UBR2: variants seen among roughly 807,000 people sequenced by gnomAD.
UBR2 encodes the protein ubiquitin protein ligase E3 component n-recognin 2.
A neutral mutation model predicts 247.9 loss-of-function variants in UBR2; 92 were observed. The observed-to-expected ratio is 0.37, with a 90% CI of 0.31 to 0.44. The LOEUF is 0.44. UBR2 is among the 20% of genes least tolerant of loss of function. UBR2 has a pLI of 1.00. For missense variants in UBR2, 1,613 were observed against 2,112.6 expected (o/e 0.76, Z 4.64); for synonymous variants, 672 against 693.5 (o/e 0.97, Z 0.49).
rs1799618678 is a variant in UBR2, at chr6:42,689,295, T to G, written c.5025-274T>G. The stretch of plus-strand genomic sequence containing the variant: ...CTTAGTCATCCCCCCAGTACCTTGA[T>G]AATTTCTTATACGTATTAGGTCCTC... On this transcript the variant is annotated intron_variant, in intron 45 of 46. Coordinates refer to ENST00000372901, the MANE Select transcript of UBR2 (RefSeq NM_001363705.2). This position sits in a 1 kb window ranked among gnomAD's most constrained non-coding sequence, Gnocchi z 4.0. Among the ~76,000 whole-genome samples, 1 of 152,212 alleles carries G rather than the reference T, an allele frequency of 6.6e-6. No homozygotes were observed. The highest frequency in any genetic ancestry group is 1.5e-5 in the Non-Finnish European group (1 of 68,036).
intron 26 of UBR2, among the ~76,000 whole-genome samples, chr6:42,657,442 A>G (rs968743530): frequency 1.3e-5 from 2 of 152,218 alleles, no homozygotes; most frequent in African/African-American, 4.8e-5. Flanking sequence ...AATATTAAAG[A>G]TCACACAGGT....
intron 2 of UBR2, among the ~76,000 whole-genome samples, chr6:42,585,058 T>G (rs555165480): frequency 6.6e-6 from 1 of 152,314 alleles, no homozygotes; most frequent in South Asian, 2.1e-4. Flanking sequence ...TCTTTCACTA[T>G]TAAATATGAT....
chr6:42,658,818 A>G lies in UBR2; in HGVS notation c.3236A>G (p.Asp1079Gly). The G allele has an allele frequency of 6.7e-7, 1 of 1,488,166 alleles. No individual in the cohort carries two copies. The highest frequency in any genetic ancestry group is 8.9e-7 in the Non-Finnish European group (1 of 1,125,472). The allele number at this position is 1,488,166 out of a possible 1,614,324, so 92.2% of individuals were successfully genotyped here. A position where few individuals can be genotyped will look rare whatever the true frequency, so the allele number is the denominator to read the frequency against. Reference protein sequence around the residue: ...ELDASTSAVLDHSPVASDMTL... With the variant: ...ELDASTSAVLGHSPVASDMTL... ...GATGCCTCAACCTCTGCTGTTCTTG[A>G]TCATAGGTAAAAAAAAAAAAAAAAA... The change falls in exon 29 of 47, where the codon GAT (aspartate) becomes GGT (glycine). Residue 1079 changes from aspartate to glycine, a missense_variant. Physicochemically the swap from Asp to Gly is moderately conservative, Grantham distance 94 (BLOSUM62 -1). Coordinates refer to ENST00000372901, the MANE Select transcript of UBR2 (RefSeq NM_001363705.2).
chr6:42,618,410 C>T (rs1794694683), intron 11 of UBR2, among the ~76,000 whole-genome samples: 1 of 152,092 alleles, frequency 6.6e-6, no homozygotes, highest in Admixed American at 6.6e-5. Context: ...GGTTTAAGAG[C>T]ATTTTATAGT....
chr6:42,636,898 T>C, intron 14 of UBR2, 113 bp from the exon 15 acceptor site: 1 of 1,138,340 alleles, frequency 8.8e-7, no homozygotes, highest in Non-Finnish European at 1.2e-6. Flanking sequence ...GGATTGAGTT[T>C]GGTTTTGCCT....
chr6:42,602,200 CTTCTT>C (rs898593680), intron 4 of UBR2, among the ~76,000 whole-genome samples: 9 of 132,470 alleles, frequency 6.8e-5, no homozygotes, highest in African/African-American at 1.4e-4. Context: ...TTTTTTTTTT[CTTCTT>C]TTCTTTTCTT....
intron 43 of UBR2, among the ~76,000 whole-genome samples, chr6:42,683,396 T>G (rs911553788): frequency 6.6e-6 from 1 of 152,228 alleles, no homozygotes; most frequent in Admixed American, 6.5e-5. Context: ...TTCTTAGCTC[T>G]ATTTTTTTCT....
At chr6:42,657,861 T>C (rs1200188713) in intron 26 of UBR2, among the ~76,000 whole-genome samples, 163 bp from the exon 27 acceptor site, 1 of 152,208 alleles carries the variant, frequency 6.6e-6, no homozygotes, top group East Asian at 1.9e-4. Context: ...AAGACAAATA[T>C]GTCACATTCT....
intron 26 of UBR2, among the ~76,000 whole-genome samples, chr6:42,657,764 GC>G (rs1261984381): frequency 6.6e-6 from 1 of 152,152 alleles, no homozygotes; most frequent in Non-Finnish European, 1.5e-5. Flanking sequence ...ATGTAATTTT[GC>G]TAAAGGGATG....
chr6:42,642,965 T>C (rs1796532001), intron 18 of UBR2, among the ~76,000 whole-genome samples: 1 of 152,224 alleles, frequency 6.6e-6, no homozygotes, highest in Admixed American at 6.5e-5. Flanking sequence ...TTTTGCTCCC[T>C]AAGTTACCCA....
rs891700219 is a variant in UBR2, at chr6:42,674,154, A to C, written c.4212A>C (p.Glu1404Asp). 2.5e-6 allele frequency: 4 copies of C among 1,613,846 alleles called. No homozygotes were observed. The highest frequency in any genetic ancestry group is 3.4e-6 in the Non-Finnish European group (4 of 1,180,006). Reference sequence around the variant, plus strand: ...TGGTGCCTAATGACAGCCATGAGGAACTTCCATGCATATTAGATATTGACA... The same window carrying C: ...TGGTGCCTAATGACAGCCATGAGGACCTTCCATGCATATTAGATATTGACA... ...ASLVPNDSHE[E>D]LPCILDIDMF... Residue 1404 changes from glutamate (E) to aspartate (D), a missense_variant, in exon 38 of 47, where the codon GAA (glutamate) becomes GAC (aspartate). This residue lies in a region of UBR2 where 1,524 missense variants were observed against 1,967.3 expected (regional missense o/e 0.77). Coordinates refer to ENST00000372901, the MANE Select transcript of UBR2 (RefSeq NM_001363705.2).
intron 4 of UBR2, among the ~76,000 whole-genome samples, chr6:42,601,390 C>T (rs1197395574): frequency 1.3e-5 from 2 of 152,058 alleles, no homozygotes; most frequent in Non-Finnish European, 2.9e-5. Context: ...CTAGCAGAAA[C>T]AATAAATAAA....
At chr6:42,618,251 G>T (rs79347074) in intron 11 of UBR2, among the ~76,000 whole-genome samples, 1 of 152,130 alleles carries the variant, frequency 6.6e-6, no homozygotes, top group Non-Finnish European at 1.5e-5. Context: ...TCTAAGAAAG[G>T]TGCCTTTATG....
chr6:42,583,082 A>G (rs559381516), intron 2 of UBR2, among the ~76,000 whole-genome samples: 2 of 151,928 alleles, frequency 1.3e-5, no homozygotes, highest in East Asian at 1.9e-4. Context: ...TTTTGTGACT[A>G]TTTTCTCCTA....
rs1365524241 is a variant in UBR2 at position 42,586,540 on chromosome 6, T to C, written c.339-5611T>C. Among the ~76,000 whole-genome samples, 4 of 48,668 alleles carry C rather than the reference T, an allele frequency of 8.2e-5. No individual in the cohort carries two copies. In the East Asian group the frequency reaches 2.3e-3, roughly 28 times the overall value. 31.9% of individuals were successfully genotyped at this position (48,668 alleles called of 152,430 possible). A position where few individuals can be genotyped will look rare whatever the true frequency, so the allele number is the denominator to read the frequency against. On this transcript the variant is annotated intron_variant, in intron 2 of 46. Transcript: ENST00000372901. ...CTATTTGTTTTCAGTTTGTCTCTCTTTTTTTTTTTTTTTTTTTTGTTCCTC... is the reference window on the plus strand; with the variant it reads ...CTATTTGTTTTCAGTTTGTCTCTCTCTTTTTTTTTTTTTTTTTTGTTCCTC...
intron 44 of UBR2, among the ~76,000 whole-genome samples, chr6:42,687,272 C>T (rs1799490118): frequency 6.6e-6 from 1 of 152,246 alleles, no homozygotes; most frequent in South Asian, 2.1e-4. Flanking sequence ...CACTCGCCGT[C>T]AGGAGCTGGA....
rs1033597864 is a variant in UBR2, at chr6:42,594,280, C to T, written c.507C>T (p.Asn169=). The change falls in exon 4 of 47, where the codon AAC becomes AAT. Residue 169 remains asparagine (N), a synonymous_variant. Transcript: ENST00000372901. ...EGPYCQKHEL[N]TSEIEEEEDP... Reference sequence around the variant, plus strand: ...CTTACTGTCAAAAACATGAACTTAACACCTCTGAAATTGAGGAAGAAGAGG... The same window carrying T: ...CTTACTGTCAAAAACATGAACTTAATACCTCTGAAATTGAGGAAGAAGAGG... The T allele has an allele frequency of 4.3e-6, 7 of 1,610,926 alleles. No individual in the cohort carries two copies. In the Admixed American group the frequency reaches 1.0e-4, roughly 23 times the overall value.
At chr6:42,604,617 G>A (rs1013077909) in intron 5 of UBR2, among the ~76,000 whole-genome samples, 19 of 152,038 alleles carry the variant, frequency 1.2e-4, no homozygotes, top group African/African-American at 4.1e-4. Flanking sequence ...CTGGACTGCC[G>A]TGTACACTCT....
Position 42,658,823 on chromosome 6 carries a change from A to T in UBR2, c.3241A>T (p.Ser1081Cys). The T allele has an allele frequency of 7.0e-7, 1 of 1,420,174 alleles. No homozygotes were observed. 88.0% of individuals were successfully genotyped at this position (1,420,174 alleles called of 1,614,324 possible). The change falls in exon 29 of 47, where the codon AGC becomes TGC. Residue 1081 changes from serine (S) to cysteine (C), a missense_variant and splice_region_variant. Transcript: ENST00000372901. ...CTCAACCTCTGCTGTTCTTGATCAT[A>T]GGTAAAAAAAAAAAAAAAAAAAATT... ...DASTSAVLDH[S>C]PVASDMTLTA...
Sources: gnomAD v4.1 joint callset for allele counts (sites outside exome capture counted in the v4.1 genomes callset) on GRCh38, gnomAD v4.1.1 for gene constraint, gnomAD v4.1.1 regional missense constraint, Gnocchi (gnomAD v3.1) non-coding constraint, MANE v1.5 for transcripts, NCBI Gene and HGNC (gene_info 2026-07-23, HGNC 2026-07-21) for gene names.